The following NBPF26 variants were observed in gnomAD, a reference collection of about 807,000 sequenced individuals.
NBPF26 encodes the protein NBPF member 26.
NBPF26 carries 79 observed loss-of-function variants against 119.6 expected under a neutral mutation model. The ratio of observed to expected loss-of-function variants is 0.66; its 90% CI spans 0.55 to 0.80. NBPF26 has a LOEUF of 0.80. Ranked by LOEUF, NBPF26 falls within the 30% of genes least tolerant of loss-of-function variation. NBPF26 has a pLI of 0.00. For missense variants in NBPF26, 800 were observed against 1,198.2 expected (o/e 0.67, Z 4.91); for synonymous variants, 299 against 457.7 (o/e 0.65, Z 4.43).
intron 1 of NBPF26, among the ~76,000 whole-genome samples, chr1:120,748,151 C>T (rs1372318700): frequency 2.1e-4 from 8 of 37,326 alleles, no homozygotes; most frequent in African/African-American, 1.5e-3. Context: ...AGTCTTTCCA[C>T]CTTAACTAGC....
intron 2 of NBPF26, among the ~76,000 whole-genome samples, chr1:120,783,857 G>A (rs1442079071): frequency 4.6e-5 from 5 of 107,720 alleles, no homozygotes; most frequent in East Asian, 2.3e-4. Context: ...TGATTAAAAC[G>A]GTACATGGAG....
chr1:120,810,713 G>A (rs1651840490), intron 9 of NBPF26, among the ~76,000 whole-genome samples, 155 bp downstream of exon 9: 1 of 113,932 alleles, frequency 8.8e-6, no homozygotes, highest in Admixed American at 8.2e-5. Flanking sequence ...CAGCACTTTG[G>A]AAGGCCCAAG....
rs1338402124 is a variant in NBPF26, at chr1:120,801,680, C to T, written c.752-3876C>T. Among the ~76,000 whole-genome samples, 848 of 105,480 alleles carry T rather than the reference C, an allele frequency of 8.0e-3. 21 individuals carry two copies. Among genetic ancestry groups the T allele is most frequent in the East Asian group, 0.037 (150 of 4,102 alleles). 69.2% of individuals were successfully genotyped at this position (105,480 alleles called of 152,430 possible). Reference sequence around the variant, plus strand: ...CCTTGTCTCCATGAAAAATAAAAAACTAGCCAGAAATGGTGATGTGTGCCT... The same window carrying T: ...CCTTGTCTCCATGAAAAATAAAAAATTAGCCAGAAATGGTGATGTGTGCCT... On this transcript the variant is annotated intron_variant, in intron 4 of 29. Coordinates refer to ENST00000620612, the Ensembl canonical transcript of NBPF26.
rs1462210084 is a variant in NBPF26, at chr1:120,728,469, T to C, written c.73+4219T>C. 1.4e-4 allele frequency among the ~76,000 whole-genome samples: 16 copies of C among 115,232 alleles called. 5 individuals carry two copies. Among genetic ancestry groups the C allele is most frequent in the Middle Eastern group, 7.7e-3 (2 of 260 alleles). 75.6% of individuals were successfully genotyped at this position (115,232 alleles called of 152,430 possible). A position where few individuals can be genotyped will look rare whatever the true frequency, so the allele number is the denominator to read the frequency against. On this transcript the variant is annotated intron_variant, in intron 1 of 29. Transcript: ENST00000620612. ...TTTGTGTGTGGGGTTTCTTTCTTTC[T>C]TTTTCTGATCACTTCTGCAATTTAT...
chr1:120,755,966 A>G (rs2101392009), intron 1 of NBPF26, among the ~76,000 whole-genome samples: 1 of 108,430 alleles, frequency 9.2e-6, no homozygotes, highest in Non-Finnish European at 1.7e-5. Flanking sequence ...CCTTTCAATC[A>G]AGACAAATTT....
exon 4 of NBPF26, chr1:120,793,163 A>G: frequency 7.1e-7 from 1 of 1,409,066 alleles, no homozygotes; most frequent in Non-Finnish European, 9.5e-7. Context: ...TCCTTTAGGT[A>G]AGGAGTGCCA....
rs1352398653 is a variant in NBPF26 at position 120,733,266 on chromosome 1, C to T, written c.73+9016C>T. 7.0e-5 allele frequency among the ~76,000 whole-genome samples: 6 copies of T among 86,088 alleles called. 1 individual carries two copies. Among genetic ancestry groups the T allele is most frequent in the Admixed American group, 2.3e-4 (2 of 8,552 alleles). The allele number at this position is 86,088 out of a possible 152,430, so 56.5% of individuals were successfully genotyped here. A position where few individuals can be genotyped will look rare whatever the true frequency, so the allele number is the denominator to read the frequency against. ...TAAATATTACTTAATCTTAATATGCCTCTCTCATTACAGTGATATTGAATG... is the reference window on the plus strand; with the variant it reads ...TAAATATTACTTAATCTTAATATGCTTCTCTCATTACAGTGATATTGAATG... On this transcript the variant is annotated intron_variant, in intron 1 of 29. Coordinates refer to ENST00000620612, the Ensembl canonical transcript of NBPF26.
intron 1 of NBPF26, among the ~76,000 whole-genome samples, chr1:120,759,267 C>CTTTTTTT (rs1169932555): frequency 1.2e-4 from 4 of 33,318 alleles, no homozygotes; most frequent in Admixed American, 3.2e-4. Flanking sequence ...CTTCTTTTTG[C>CTTTTTTT]TTTTTTTTTT....
rs1652019094 is a variant in NBPF26 at position 120,816,869 on chromosome 1, T to C, written c.2371+42T>C. Reference sequence around the variant, plus strand: ...TTGTGTCTCATACCTCTTTCTTGGCTGAGGAAGATAAACTCTGAAGACAGG... The same window carrying C: ...TTGTGTCTCATACCTCTTTCTTGGCCGAGGAAGATAAACTCTGAAGACAGG... On this transcript the variant is annotated intron_variant, in intron 14 of 29. Transcript: ENST00000620612. 8 of 1,451,734 alleles carry C rather than the reference T, an allele frequency of 5.5e-6. 2 individuals carry two copies. Among genetic ancestry groups the C allele is most frequent in the Non-Finnish European group, 7.4e-6 (8 of 1,083,254 alleles). 89.9% of individuals were successfully genotyped at this position (1,451,734 alleles called of 1,614,324 possible). A position where few individuals can be genotyped will look rare whatever the true frequency, so the allele number is the denominator to read the frequency against.
chr1:120,824,054 G>C, exon 18 of NBPF26: 1 of 508,030 alleles, frequency 2.0e-6, no homozygotes, highest in Non-Finnish European at 3.3e-6. Context: ...ACTCCTTCAG[G>C]TTGTCTTGAA....
At chr1:120,745,862 C>A in intron 1 of NBPF26, among the ~76,000 whole-genome samples, 1 of 65,780 alleles carries the variant, frequency 1.5e-5, no homozygotes, top group Non-Finnish European at 2.7e-5. Flanking sequence ...TTCAAGAGCA[C>A]AAAAATAGTC....
chr1:120,808,088 C>T, intron 6 of NBPF26, among the ~76,000 whole-genome samples: 1 of 119,616 alleles, frequency 8.4e-6, no homozygotes, highest in East Asian at 2.0e-4. Context: ...CATTCTTTCA[C>T]TCAATCAATG....
At chr1:120,763,799 A>C in intron 2 of NBPF26, 90 bp downstream of exon 2, 1 of 592,954 alleles carries the variant, frequency 1.7e-6, no homozygotes, top group Non-Finnish European at 3.0e-6. Flanking sequence ...CTTCTGTGGA[A>C]TGTTACTGGT....
At chr1:120,805,613 G>T (rs1553269717) in exon 5 of NBPF26, 5 of 1,462,494 alleles carry the variant, frequency 3.4e-6, no homozygotes, top group Middle Eastern at 2.3e-4. Flanking sequence ...GCCGGCCATT[G>T]GTCCAGTGAG....
At chr1:120,781,695 C>G (rs1312272548) in intron 2 of NBPF26, among the ~76,000 whole-genome samples, 1 of 80,738 alleles carries the variant, frequency 1.2e-5, no homozygotes, top group African/African-American at 9.9e-5. Flanking sequence ...TCCCGAGTAG[C>G]TGGGACTACA....
In NBPF26 at chr1:120,807,948, A is replaced by G; in HGVS notation, c.1064+239A>G. ...TTCAAACAAGTAATTGTTGATGTGAAATTTACATAACACAAAATTTACCAA... is the reference window on the plus strand; with the variant it reads ...TTCAAACAAGTAATTGTTGATGTGAGATTTACATAACACAAAATTTACCAA... On this transcript the variant is annotated intron_variant, in intron 6 of 29. Transcript: ENST00000620612. 1.6e-5 allele frequency among the ~76,000 whole-genome samples: 2 copies of G among 121,430 alleles called. 1 individual carries two copies. The highest frequency in any genetic ancestry group is 3.3e-5 in the Non-Finnish European group (2 of 60,378). The allele number at this position is 121,430 out of a possible 152,430, so 79.7% of individuals were successfully genotyped here.
At chr1:120,818,252 A>T in intron 15 of NBPF26, 78 bp downstream of exon 15, 1 of 438,490 alleles carries the variant, frequency 2.3e-6, no homozygotes, top group South Asian at 2.3e-5. Flanking sequence ...TGAGGAAGTG[A>T]TGAATAGAAC....
Position 120,724,298 on chromosome 1 carries a change from C to T in NBPF26, c.73+48C>T. On this transcript the variant is annotated intron_variant, in intron 1 of 29. Transcript: ENST00000620612. Reference sequence around the variant, plus strand: ...CTGTCCGCGGCGCCCGGGGCTGCCACCTGGGGCGACCCTTCTCCCCCTCAG... The same window carrying T: ...CTGTCCGCGGCGCCCGGGGCTGCCATCTGGGGCGACCCTTCTCCCCCTCAG... 4.4e-6 allele frequency: 6 copies of T among 1,367,050 alleles called. 1 individual carries two copies. The highest frequency in any genetic ancestry group is 5.7e-6 in the Non-Finnish European group (6 of 1,049,206). 84.7% of individuals were successfully genotyped at this position (1,367,050 alleles called of 1,614,324 possible). A position where few individuals can be genotyped will look rare whatever the true frequency, so the allele number is the denominator to read the frequency against.
chr1:120,802,377 A>G (rs1255250070), intron 4 of NBPF26, among the ~76,000 whole-genome samples: 1 of 126,368 alleles, frequency 7.9e-6, no homozygotes, highest in Admixed American at 7.6e-5. Context: ...ACACAACAGC[A>G]GGACAAGAAG....
Sources: gnomAD v4.1 joint callset for allele counts (sites outside exome capture counted in the v4.1 genomes callset) on GRCh38, gnomAD v4.1.1 for gene constraint, MANE v1.5 for transcripts, NCBI Gene and HGNC (gene_info 2026-07-23, HGNC 2026-07-21) for gene names.